Variants in SLC39A11 observed in about 807,000 individuals in gnomAD.
The protein encoded by SLC39A11 is zinc transporter ZIP11.
In SLC39A11, 33 loss-of-function variants were observed where a neutral mutation model predicts 36.1. That is an observed-to-expected ratio of 0.91 (90% CI 0.69 to 1.22). The LOEUF (loss-of-function observed/expected upper bound fraction) is 1.22. SLC39A11 is among the 50% of genes most tolerant of loss of function. The probability of loss-of-function intolerance (pLI) is 0.00; values close to 1 mark genes in which losing one functional copy is unlikely to be tolerated. For missense variants in SLC39A11, 432 were observed against 430.3 expected, an observed-to-expected ratio of 1.00 and a Z score of -0.03; for synonymous variants, 166 against 170.3, an observed-to-expected ratio of 0.97 and a Z score of 0.20.
At chr17:73,037,354 T>C (rs962018733) in intron 3 of SLC39A11, among the ~76,000 whole-genome samples, 9 of 152,228 alleles carry the variant, frequency 5.9e-5, no homozygotes, top group African/African-American at 1.9e-4. Flanking sequence ...CCTTTATATG[T>C]TAGGCATTTT....
At chr17:72,742,428 A>C (rs1435028006) in intron 6 of SLC39A11, among the ~76,000 whole-genome samples, 1 of 152,124 alleles carries the variant, frequency 6.6e-6, no homozygotes, top group East Asian at 1.9e-4. Flanking sequence ...CCTGCCTTTG[A>C]GGAGTCCAGG....
intron 4 of SLC39A11, among the ~76,000 whole-genome samples, chr17:72,995,015 A>T (rs1395902000): frequency 1.3e-5 from 2 of 152,194 alleles, no homozygotes; most frequent in East Asian, 3.8e-4. Context: ...AGCCATTCCC[A>T]CTAGCATCTA....
At chr17:73,021,004 T>C (rs1464077246) in intron 4 of SLC39A11, among the ~76,000 whole-genome samples, 1 of 152,114 alleles carries the variant, frequency 6.6e-6, no homozygotes, top group Non-Finnish European at 1.5e-5. Context: ...GCTTTGGCTT[T>C]CCAGTGCTTT....
chr17:72,999,520 C>T (rs1302418678), intron 4 of SLC39A11, among the ~76,000 whole-genome samples: 1 of 152,206 alleles, frequency 6.6e-6, no homozygotes, highest in Non-Finnish European at 1.5e-5. Context: ...CAGTTCTCAT[C>T]ACCAAGGGTT....
intron 6 of SLC39A11, among the ~76,000 whole-genome samples, chr17:72,807,501 C>T (rs146223384): frequency 2.6e-5 from 4 of 152,242 alleles, no homozygotes; most frequent in Middle Eastern, 3.4e-3. Flanking sequence ...GGGCTGGTCA[C>T]GGTCACCAGA....
chr17:72,979,607 G>A (rs2088140342), intron 4 of SLC39A11, among the ~76,000 whole-genome samples: 1 of 152,142 alleles, frequency 6.6e-6, no homozygotes, highest in South Asian at 2.1e-4. Context: ...TTTGGGTCCT[G>A]ATGTGTGAAG....
At chr17:72,955,671 G>A (rs1006802463) in intron 4 of SLC39A11, among the ~76,000 whole-genome samples, 2 of 151,822 alleles carry the variant, frequency 1.3e-5, no homozygotes, top group Non-Finnish European at 2.9e-5. Context: ...TGTGTCTCGC[G>A]GCCCTACTGT....
In SLC39A11 at chr17:72,732,040, CTTT is replaced by C. The variant is rs764728558; in HGVS notation, c.671+4607_671+4609del. Among the ~76,000 whole-genome samples, 6 of 33,664 alleles carry C rather than the reference CTTT, an allele frequency of 1.8e-4. 1 individual carries two copies. In the South Asian group the frequency reaches 5.6e-3, roughly 32 times the overall value. The allele number at this position is 33,664 out of a possible 152,430, so 22.1% of individuals were successfully genotyped here. On this transcript the variant is annotated intron_variant, in intron 7 of 9. Transcript: ENST00000255559. Reference sequence around the variant, plus strand: ...TTTCTTTATTTTTTTCTTTTCTTTTCTTTTTTTTTTTTTTTTTTTTTTTTTTGA... The same window carrying C: ...TTTCTTTATTTTTTTCTTTTCTTTTCTTTTTTTTTTTTTTTTTTTTTTTGA...
chr17:72,763,887 C>T (rs914912691), intron 6 of SLC39A11, among the ~76,000 whole-genome samples: 2 of 152,158 alleles, frequency 1.3e-5, no homozygotes, highest in Non-Finnish European at 2.9e-5. Flanking sequence ...GGTCAGTGCC[C>T]ACTCCATCCA....
At chr17:72,843,965 AT>A (rs1056557872) in intron 6 of SLC39A11, among the ~76,000 whole-genome samples, 2 of 152,010 alleles carry the variant, frequency 1.3e-5, no homozygotes, top group Non-Finnish European at 1.5e-5. Context: ...CCAAAAAAAA[AT>A]TTTTTTTAGC....
At chr17:73,078,555 C>T (rs926983684) in intron 3 of SLC39A11, among the ~76,000 whole-genome samples, 8 of 151,134 alleles carry the variant, frequency 5.3e-5, no homozygotes, top group African/African-American at 1.7e-4. Flanking sequence ...GGCGCAATCT[C>T]GGCTCACTGC....
Position 72,954,376 on chromosome 17 carries a change from T to C in SLC39A11, c.307-6501A>G, listed in dbSNP as rs573833825. 3.9e-5 allele frequency among the ~76,000 whole-genome samples: 6 copies of C among 152,328 alleles called. No individual in the cohort carries two copies. The South Asian group carries it at 1.2e-3, about 32-fold the overall frequency. On this transcript the variant is annotated intron_variant, in intron 4 of 9. Coordinates refer to ENST00000255559, the MANE Select transcript of SLC39A11 (RefSeq NM_139177.4). ...AGGCCAAGGTCAGGGGACTAATTGG[T>C]GCCCCCTGCCAGCTACAGCTACATG...
intron 4 of SLC39A11, among the ~76,000 whole-genome samples, chr17:72,987,618 G>A (rs2088854631): frequency 6.6e-6 from 1 of 152,186 alleles, no homozygotes; most frequent in African/African-American, 2.4e-5. Context: ...GGAACAGATG[G>A]CTTGCACTAG....
chr17:72,902,003 G>T (rs940068689), intron 5 of SLC39A11, among the ~76,000 whole-genome samples: 1 of 152,114 alleles, frequency 6.6e-6, no homozygotes, highest in Non-Finnish European at 1.5e-5. Context: ...CGGGCACAGT[G>T]GCTCACACCT....
intron 4 of SLC39A11, among the ~76,000 whole-genome samples, chr17:72,983,306 C>T (rs770045953): frequency 6.6e-6 from 1 of 152,102 alleles, no homozygotes. Context: ...AGCGCCACCA[C>T]AACCAGCTAA....
rs778195810 is a variant in SLC39A11, at chr17:72,668,201, TTA to T, written c.672-18935_672-18934del. Among the ~76,000 whole-genome samples the T allele has an allele frequency of 5.1e-3, 765 of 149,482 alleles. 2 individuals are homozygous for T. The highest frequency in any genetic ancestry group is 7.6e-3 in the Non-Finnish European group (511 of 67,414). On this transcript the variant is annotated intron_variant, in intron 7 of 9. Coordinates refer to ENST00000255559, the MANE Select transcript of SLC39A11 (RefSeq NM_139177.4). ...AATATTAATGCTGTTTAAGAATCTT[TTA>T]AAAAAAAAAAAGAAGTTTCCAGTAT...
chr17:72,874,614 G>T (rs2080801559), intron 5 of SLC39A11, among the ~76,000 whole-genome samples: 1 of 152,192 alleles, frequency 6.6e-6, no homozygotes, highest in Non-Finnish European at 1.5e-5. Flanking sequence ...GAAAGAAAAT[G>T]CAGGTTCCTG....
rs35014357 is a variant in SLC39A11, at chr17:72,830,329, AT to A, written c.601+19304del. ...AAGAATCCCTTGAAGATGACTGTGT[AT>A]TTTTTTTTTTCCTAAATCAGGAACA... is the stretch of plus-strand genomic sequence containing the variant. On this transcript the variant is annotated intron_variant, in intron 6 of 9. Transcript: ENST00000255559. Among the ~76,000 whole-genome samples the A allele has an allele frequency of 3.1e-3, 459 of 149,506 alleles. 2 individuals carry two copies. Among genetic ancestry groups the A allele is most frequent in the African/African-American group, 8.7e-3 (354 of 40,762 alleles).
intron 6 of SLC39A11, among the ~76,000 whole-genome samples, chr17:72,748,708 A>G (rs1238633752): frequency 6.6e-6 from 1 of 152,224 alleles, no homozygotes; most frequent in Non-Finnish European, 1.5e-5. Flanking sequence ...CCAGACAAAG[A>G]TCAGATCTCT....
Sources: gnomAD v4.1 joint callset for allele counts (sites outside exome capture counted in the v4.1 genomes callset) on GRCh38, gnomAD v4.1.1 for gene constraint, MANE v1.5 for transcripts, NCBI Gene and HGNC (gene_info 2026-07-23, HGNC 2026-07-21) for gene names.